The following SLC3A1 variants were observed in gnomAD, a reference collection of about 807,000 sequenced individuals.
SLC3A1 encodes the protein solute carrier family 3 member 1.
Under a neutral mutation model 60.3 loss-of-function variants are expected in SLC3A1, and 78 were observed. The ratio of observed to expected loss-of-function variants is 1.29; its 90% CI spans 1.08 to 1.56. The LOEUF is 1.56. Among genes scored for constraint, SLC3A1 ranks in the 40% most tolerant of loss-of-function variants. The probability of loss-of-function intolerance (pLI) is 0.00; values close to 1 mark genes in which losing one functional copy is unlikely to be tolerated. For synonymous variants in SLC3A1, 392 were observed against 307.9 expected (o/e 1.27, Z -2.86); for missense variants, 1,172 against 858.9 (o/e 1.36, Z -4.56).
At chr2:44,295,005 A>C (rs531764219) in intron 4 of SLC3A1, among the ~76,000 whole-genome samples, 1 of 152,058 alleles carries the variant, frequency 6.6e-6, no homozygotes, top group Non-Finnish European at 1.5e-5. Context: ...CGGTCTCTGA[A>C]AGTGCTAGGA....
At chr2:44,285,596 G>A in intron 3 of SLC3A1, 2 of 444,794 alleles carry the variant, frequency 4.5e-6, no homozygotes, top group Non-Finnish European at 4.6e-6. Context: ...AATTTTCTGG[G>A]GATATAATTT....
At chr2:44,311,307 G>GT (rs1489929320) in intron 7 of SLC3A1, among the ~76,000 whole-genome samples, 2 of 152,026 alleles carry the variant, frequency 1.3e-5, no homozygotes, top group East Asian at 1.9e-4. Flanking sequence ...TCAGGCACAG[G>GT]TTTTTTCTTT....
intron 9 of SLC3A1, among the ~76,000 whole-genome samples, chr2:44,316,001 G>T (rs1672433914): frequency 6.6e-6 from 1 of 152,110 alleles, no homozygotes; most frequent in South Asian, 2.1e-4. Context: ...GGAGAAAAAA[G>T]GTGGGAATCT....
chr2:44,285,903 T>A (rs1230988480), intron 3 of SLC3A1, 129 bp from the exon 4 acceptor site: 1 of 1,216,364 alleles, frequency 8.2e-7, no homozygotes, highest in Non-Finnish European at 1.2e-6. Context: ...TTTAACCTGC[T>A]GCTCTCTGTA....
Position 44,303,752 on chromosome 2 carries a change from C to G in SLC3A1, c.1137-391C>G, listed in dbSNP as rs1212314903. On this transcript the variant is annotated intron_variant, in intron 6 of 9. Coordinates refer to ENST00000260649, the MANE Select transcript of SLC3A1 (RefSeq NM_000341.4). ...CTTAGCCCCCCACCCACTGACAGGCCCCGGTGTGTGATGTTCCCTGCCCTG... is the reference window on the plus strand; with the variant it reads ...CTTAGCCCCCCACCCACTGACAGGCGCCGGTGTGTGATGTTCCCTGCCCTG... 1.7e-5 allele frequency: 6 copies of G among 352,604 alleles called. No homozygotes were observed. In the East Asian group the frequency reaches 3.1e-4, roughly 18 times the overall value. The allele number at this position is 352,604 out of a possible 1,614,324, so 21.8% of individuals were successfully genotyped here.
chr2:44,280,612 T>G (rs1465272650), intron 1 of SLC3A1, 104 bp from the exon 2 acceptor site: 1 of 777,486 alleles, frequency 1.3e-6, no homozygotes, highest in African/African-American at 1.8e-5. Flanking sequence ...CTAAGTATTT[T>G]TGCCTTCATG....
intron 4 of SLC3A1, 126 bp from the exon 5 acceptor site, chr2:44,299,845 A>G (rs1671957729): frequency 1.0e-6 from 1 of 979,276 alleles, no homozygotes; most frequent in Non-Finnish European, 1.6e-6. Context: ...GACTGTGAAT[A>G]CTGTGCTTGT....
At chr2:44,279,518 C>T (rs1671441957) in intron 1 of SLC3A1, among the ~76,000 whole-genome samples, 1 of 152,130 alleles carries the variant, frequency 6.6e-6, no homozygotes, top group African/African-American at 2.4e-5. Context: ...GCTCTTCAGT[C>T]TGATCATCAT....
intron 9 of SLC3A1, 190 bp from the exon 10 acceptor site, chr2:44,320,009 G>C: frequency 3.4e-6 from 2 of 591,264 alleles, no homozygotes; most frequent in South Asian, 4.1e-5. Context: ...CCGAAACCCC[G>C]AATTTGTCAT....
Position 44,280,681 on chromosome 2 carries a change from T to C in SLC3A1, c.431-35T>C, listed in dbSNP as rs377076596. 300 of 1,468,738 alleles carry C rather than the reference T, an allele frequency of 2.0e-4. 2 individuals are homozygous for C. The South Asian group carries it at 3.2e-3, about 16-fold the overall frequency. The allele number at this position is 1,468,738 out of a possible 1,614,324, so 91.0% of individuals were successfully genotyped here. ...TTTTTGTCCTTTAACTAAAACAAAG[T>C]AGGGTTTATTCATGACTTTGACTTT... On this transcript the variant is annotated intron_variant, in intron 1 of 9. Transcript: ENST00000260649.
intron 9 of SLC3A1, chr2:44,315,331 T>C (rs1672401710): frequency 6.6e-6 from 1 of 151,592 alleles, no homozygotes; most frequent in African/African-American, 2.4e-5. Flanking sequence ...GAACAGAAAA[T>C]TTAAGTAATT....
rs1180506590 is a variant in SLC3A1, at chr2:44,321,446, C to A, written c.*807C>A. 1.2e-6 allele frequency: 2 copies of A among 1,610,862 alleles called. No individual in the cohort carries two copies. The highest frequency in any genetic ancestry group is 1.7e-6 in the Non-Finnish European group (2 of 1,177,750). On this transcript the variant is annotated 3_prime_UTR_variant, in exon 10 of 10. Coordinates refer to ENST00000260649, the MANE Select transcript of SLC3A1 (RefSeq NM_000341.4). ...ACAGGAATTTAATTTGGGCTGTAAT[C>A]TAAAAGAAACACATTAAAAAAATTA...
At chr2:44,298,054 T>G (rs1006480653) in intron 4 of SLC3A1, among the ~76,000 whole-genome samples, 1 of 152,234 alleles carries the variant, frequency 6.6e-6, no homozygotes, top group African/African-American at 2.4e-5. Flanking sequence ...AACAAGTTTT[T>G]GCGTGGACAT....
At position 44,321,486 on chromosome 2, in the gene SLC3A1, G is replaced by A; in HGVS notation, c.*847G>A. ...TAAAAAAATTAAATAGAAGGCCTTT[G>A]TAGTAAAATGCCACTGTTTAAGCTT... is the stretch of plus-strand genomic sequence containing the variant. On this transcript the variant is annotated 3_prime_UTR_variant, in exon 10 of 10. Transcript: ENST00000260649. The A allele has an allele frequency of 6.3e-7, 1 of 1,590,758 alleles. No individual in the cohort carries two copies. The highest frequency in any genetic ancestry group is 1.1e-5 in the South Asian group (1 of 89,102).
rs550998493 is a variant in SLC3A1, at chr2:44,296,323, A to C, written c.892-3648A>C. ...TGGAGATTCTAAAATAATCCGGGAG[A>C]CCTAGGACTGTGTCTGTTGTATTTT... On this transcript the variant is annotated intron_variant, in intron 4 of 9. Coordinates refer to ENST00000260649, the MANE Select transcript of SLC3A1 (RefSeq NM_000341.4). Among the ~76,000 whole-genome samples the C allele has an allele frequency of 9.2e-5, 14 of 152,236 alleles. No individual in the cohort carries two copies. In the South Asian group the frequency reaches 2.5e-3, roughly 27 times the overall value.
chr2:44,314,154 A>G, intron 9 of SLC3A1: 3 of 1,269,452 alleles, frequency 2.4e-6, no homozygotes, highest in Non-Finnish European at 3.3e-6. Context: ...CTACCAAGTG[A>G]AGTGAAGTAT....
intron 9 of SLC3A1, among the ~76,000 whole-genome samples, chr2:44,317,451 G>T (rs1358371924): frequency 1.1e-5 from 1 of 92,648 alleles, no homozygotes; most frequent in South Asian, 4.2e-4. Context: ...AACAGAGGGA[G>T]ATTGTGTCAA....
chr2:44,275,846 C>T lies in SLC3A1; in HGVS notation c.311C>T (p.Thr104Ile), dbSNP rs1320372822. 2 of 1,614,126 alleles carry T rather than the reference C, an allele frequency of 1.2e-6. No homozygotes were observed. The highest frequency in any genetic ancestry group is 1.7e-5 in the Admixed American group (1 of 60,016). The change falls in exon 1 of 10, where the codon ACC becomes ATC. Residue 104 changes from threonine to isoleucine, a missense_variant. Coordinates refer to ENST00000260649, the MANE Select transcript of SLC3A1 (RefSeq NM_000341.4). ...TCTGTGCTGGTGCTCATCGCGGCCA[C>T]CATAGCCATCATTGCCCTCTCTCCA... ...VASVLVLIAA[T>I]IAIIALSPKC...
intron 1 of SLC3A1, 21 bp from the exon 2 acceptor site, chr2:44,280,695 G>T: frequency 1.3e-6 from 2 of 1,567,042 alleles, no homozygotes; most frequent in South Asian, 2.2e-5. Context: ...GTTTATTCAT[G>T]ACTTTGACTT....
Sources: allele counts gnomAD v4.1 joint callset (sites outside exome capture counted in the v4.1 genomes callset), GRCh38; gene constraint gnomAD v4.1.1; transcripts MANE v1.5; gene names NCBI Gene and HGNC (gene_info 2026-07-23, HGNC 2026-07-21).